The following PRKG1 variants were observed in gnomAD, a reference collection of about 807,000 sequenced individuals.
PRKG1 encodes the protein protein kinase cGMP-dependent 1.
In PRKG1, 35 loss-of-function variants were observed where a neutral mutation model predicts 88.1. The observed-to-expected ratio is 0.40, with a 90% confidence interval of 0.30 to 0.53. The LOEUF (loss-of-function observed/expected upper bound fraction) is 0.53. Ranked by LOEUF, PRKG1 falls within the 20% of genes least tolerant of loss-of-function variation. The probability of loss-of-function intolerance (pLI) is 0.59; values close to 1 mark genes in which losing one functional copy is unlikely to be tolerated. For missense variants in PRKG1, 540 were observed against 839.8 expected, an observed-to-expected ratio of 0.64 and a Z score of 4.41; for synonymous variants, 303 against 292.5, an observed-to-expected ratio of 1.04 and a Z score of -0.37.
At chr10:51,105,225 G>A (rs1222706302) in intron 1 of PRKG1, among the ~76,000 whole-genome samples, 1 of 152,190 alleles carries the variant, frequency 6.6e-6, no homozygotes, top group East Asian at 1.9e-4. Context: ...ATGTATTCAA[G>A]TGTAATTTAT....
intron 7 of PRKG1, among the ~76,000 whole-genome samples, chr10:52,093,135 T>G (rs180770588): frequency 5.0e-4 from 76 of 152,298 alleles, no homozygotes; most frequent in African/African-American, 1.8e-3. Context: ...TTCCTGGCAC[T>G]TGTTTAACTT....
chr10:50,999,994 C>A (rs1242677303), intron 1 of PRKG1, among the ~76,000 whole-genome samples: 9 of 152,244 alleles, frequency 5.9e-5, no homozygotes, highest in Non-Finnish European at 1.0e-4. Flanking sequence ...TATTAAAAAA[C>A]AAATTTTAAA....
intron 2 of PRKG1, among the ~76,000 whole-genome samples, chr10:51,337,107 C>T (rs1283872989): frequency 6.6e-6 from 1 of 152,154 alleles, no homozygotes; most frequent in African/African-American, 2.4e-5. Flanking sequence ...AATAAGACCA[C>T]TCCTCTACAA....
chr10:51,742,800 T>C (rs554466289), intron 3 of PRKG1, among the ~76,000 whole-genome samples: 2 of 152,188 alleles, frequency 1.3e-5, no homozygotes, highest in Admixed American at 1.3e-4. Context: ...GCCATGAGTA[T>C]GGTCAAAGTC....
intron 6 of PRKG1, among the ~76,000 whole-genome samples, chr10:52,060,502 A>T (rs1367003455): frequency 1.3e-5 from 2 of 151,848 alleles, no homozygotes; most frequent in Non-Finnish European, 1.5e-5. Flanking sequence ...GTCCAATAGA[A>T]AAATTGGCAA....
intron 3 of PRKG1, among the ~76,000 whole-genome samples, chr10:51,684,395 T>C (rs1485546844): frequency 1.3e-5 from 2 of 151,960 alleles, no homozygotes; most frequent in East Asian, 3.9e-4. Flanking sequence ...TAAATGTAGG[T>C]GTGGTGGTGG....
At chr10:51,872,767 T>C (rs1841191806) in intron 4 of PRKG1, among the ~76,000 whole-genome samples, 1 of 152,118 alleles carries the variant, frequency 6.6e-6, no homozygotes, top group Non-Finnish European at 1.5e-5. Context: ...ATACTCAATG[T>C]ATGTATATAA....
intron 5 of PRKG1, among the ~76,000 whole-genome samples, chr10:51,925,198 GT>G (rs796847111): frequency 0.015 from 613 of 40,318 alleles, 3 homozygotes; most frequent in African/African-American, 0.04. Flanking sequence ...TTAGTGGGAG[GT>G]TTTTTTTTTG....
At chr10:51,892,927 C>T (rs961819922) in intron 4 of PRKG1, among the ~76,000 whole-genome samples, 4 of 152,184 alleles carry the variant, frequency 2.6e-5, no homozygotes, top group African/African-American at 9.6e-5. Context: ...AAAGGTCATA[C>T]ATTCCTTTTT....
At chr10:51,758,145 A>T (rs1837918621) in intron 3 of PRKG1, among the ~76,000 whole-genome samples, 1 of 152,202 alleles carries the variant, frequency 6.6e-6, no homozygotes. Context: ...AAAAAAATTT[A>T]AACTATGTGC....
chr10:51,070,809 T>TA (rs1242783336), upstream of PRKG1, among the ~76,000 whole-genome samples: 5 of 152,224 alleles, frequency 3.3e-5, no homozygotes, highest in African/African-American at 4.8e-5. Flanking sequence ...CAGTTTGGTC[T>TA]GGCTACCAGT....
intron 3 of PRKG1, among the ~76,000 whole-genome samples, chr10:51,774,449 T>C (rs926983125): frequency 6.6e-6 from 1 of 152,120 alleles, no homozygotes; most frequent in African/African-American, 2.4e-5. Flanking sequence ...TACGGTTCTT[T>C]CCTTATTTAA....
chr10:52,087,243 A>T (rs966302625), intron 7 of PRKG1, among the ~76,000 whole-genome samples: 45 of 152,346 alleles, frequency 3.0e-4, no homozygotes, highest in African/African-American at 1.0e-3. Flanking sequence ...GATGGATAAG[A>T]ACTGTTATCT....
At chr10:51,294,111 G>T (rs1840655385) in intron 2 of PRKG1, among the ~76,000 whole-genome samples, 1 of 151,734 alleles carries the variant, frequency 6.6e-6, no homozygotes, top group Non-Finnish European at 1.5e-5. Context: ...TATGTATTTT[G>T]GATATTAATT....
At chr10:51,635,493 A>C (rs1839635222) in intron 3 of PRKG1, among the ~76,000 whole-genome samples, 1 of 152,076 alleles carries the variant, frequency 6.6e-6, no homozygotes, top group Admixed American at 6.6e-5. Context: ...TTTCTTCCCA[A>C]AATGCCCGTG....
At chr10:52,215,218 A>G (rs1312735941) in intron 9 of PRKG1, among the ~76,000 whole-genome samples, 1 of 148,788 alleles carries the variant, frequency 6.7e-6, no homozygotes, top group Non-Finnish European at 1.5e-5. Context: ...AATGTGGTGA[A>G]ACCCCATCTC....
intron 3 of PRKG1, among the ~76,000 whole-genome samples, chr10:51,503,671 A>G (rs749110030): frequency 1.3e-5 from 2 of 152,184 alleles, no homozygotes; most frequent in East Asian, 1.9e-4. Context: ...TGAGACGTCA[A>G]TCAGTCCTCT....
At chr10:51,142,580 A>G (rs1845844020) in intron 1 of PRKG1, among the ~76,000 whole-genome samples, 1 of 152,106 alleles carries the variant, frequency 6.6e-6, no homozygotes, top group Non-Finnish European at 1.5e-5. Context: ...ATGTGTTTCA[A>G]ATAAAAGAAG....
intron 10 of PRKG1, chr10:52,252,893 C>G (rs971058310): frequency 7.3e-5 from 11 of 151,176 alleles, no homozygotes; most frequent in Non-Finnish European, 1.5e-4. Context: ...TTTTCTGAAC[C>G]CTACCAATTA....
Sources: gnomAD v4.1 joint callset for allele counts (sites outside exome capture counted in the v4.1 genomes callset) on GRCh38, gnomAD v4.1.1 for gene constraint, MANE v1.5 for transcripts, NCBI Gene and HGNC (gene_info 2026-07-23, HGNC 2026-07-21) for gene names.